The following ARHGEF3 variants were observed in gnomAD, a reference collection of about 807,000 sequenced individuals.
ARHGEF3 encodes the protein 59.8 kDA protein.
In ARHGEF3, 28 loss-of-function variants were observed where a neutral mutation model predicts 63.2. That is an observed-to-expected ratio of 0.44 (90% CI 0.33 to 0.61). The LOEUF (loss-of-function observed/expected upper bound fraction) is 0.61. ARHGEF3 is among the 20% of genes least tolerant of loss of function. ARHGEF3 has a pLI of 0.03. For synonymous variants in ARHGEF3, 266 were observed against 254.2 expected (o/e 1.05, Z -0.44); for missense variants, 533 against 659.3 (o/e 0.81, Z 2.10).
chr3:56,919,702 G>T, intron 3 of ARHGEF3, among the ~76,000 whole-genome samples: 1 of 152,176 alleles, frequency 6.6e-6, no homozygotes, highest in East Asian at 1.9e-4. Context: ...CAGCGACTAA[G>T]GATTTTTTAT....
At position 57,041,097 on chromosome 3, in the gene ARHGEF3, CCAAA is replaced by C. The variant is rs571639127; in HGVS notation, c.-27-5925_-27-5922del. Among the ~76,000 whole-genome samples the C allele has an allele frequency of 1.7e-3, 253 of 152,290 alleles. 1 individual carries two copies. The highest frequency in any genetic ancestry group is 5.8e-3 in the African/African-American group (241 of 41,552). On this transcript the variant is annotated intron_variant, in intron 1 of 12. Coordinates refer to the ARHGEF3 transcript ENST00000338458. Reference sequence around the variant, plus strand: ...GGACCAAACACCTACTCTTATCTCCCCAAACAAACTGCAAGTGTCTCAAAAGCAG... The same window carrying C: ...GGACCAAACACCTACTCTTATCTCCCCAAACTGCAAGTGTCTCAAAAGCAG...
At chr3:56,833,267 CCCT>C (rs1405939999) in intron 4 of ARHGEF3, among the ~76,000 whole-genome samples, 1 of 152,110 alleles carries the variant, frequency 6.6e-6, no homozygotes, top group African/African-American at 2.4e-5. Context: ...TTTTTTATTT[CCCT>C]CCTCTTTTTA....
intron 3 of ARHGEF3, among the ~76,000 whole-genome samples, chr3:56,906,644 T>C (rs2041692213): frequency 6.6e-6 from 1 of 152,158 alleles, no homozygotes; most frequent in South Asian, 2.1e-4. Flanking sequence ...GAGACCAGCC[T>C]GGCAAACATG....
At chr3:56,995,009 G>C (rs1701915218) in intron 2 of ARHGEF3, among the ~76,000 whole-genome samples, 1 of 151,990 alleles carries the variant, frequency 6.6e-6, no homozygotes, top group Non-Finnish European at 1.5e-5. Flanking sequence ...CCTCCTCTTT[G>C]CCTTCTGCCA....
At chr3:56,751,178 G>C in intron 5 of ARHGEF3, 46 bp from the exon 6 acceptor site, 1 of 1,594,710 alleles carries the variant, frequency 6.3e-7, no homozygotes, top group Non-Finnish European at 8.6e-7. Flanking sequence ...ATTCAAATAT[G>C]AACAGGGCTG....
chr3:56,859,121 G>C (rs908920871), intron 4 of ARHGEF3, among the ~76,000 whole-genome samples: 1 of 152,138 alleles, frequency 6.6e-6, no homozygotes, highest in Non-Finnish European at 1.5e-5. Flanking sequence ...CCAGCTTATA[G>C]TGATCATAGA....
chr3:56,871,676 T>G (rs1330484544), intron 4 of ARHGEF3, among the ~76,000 whole-genome samples: 1 of 152,222 alleles, frequency 6.6e-6, no homozygotes, highest in African/African-American at 2.4e-5. Flanking sequence ...TTATATTTTT[T>G]GCAGTCATTT....
At chr3:56,820,276 T>C (rs763872802) in intron 4 of ARHGEF3, among the ~76,000 whole-genome samples, 2 of 152,232 alleles carry the variant, frequency 1.3e-5, no homozygotes, top group Non-Finnish European at 2.9e-5. Flanking sequence ...AAGGATGTGC[T>C]GTGCCCTCAA....
At chr3:56,942,129 A>G (rs946361223) in intron 3 of ARHGEF3, among the ~76,000 whole-genome samples, 7 of 152,238 alleles carry the variant, frequency 4.6e-5, no homozygotes, top group Non-Finnish European at 8.8e-5. Context: ...GCACATTCCA[A>G]AGGCTAACAA....
At chr3:56,924,612 T>G (rs948919759) in intron 3 of ARHGEF3, among the ~76,000 whole-genome samples, 2 of 152,262 alleles carry the variant, frequency 1.3e-5, no homozygotes, top group African/African-American at 4.8e-5. Flanking sequence ...CTCCCCTTTA[T>G]AGAACATATA....
chr3:56,787,864 A>T (rs35550387), intron 1 of ARHGEF3, among the ~76,000 whole-genome samples: 2 of 152,090 alleles, frequency 1.3e-5, no homozygotes, highest in African/African-American at 2.4e-5. Context: ...ACTGAGACTC[A>T]GAGGCGTTAA....
At chr3:56,877,615 C>G (rs1465726561) in intron 4 of ARHGEF3, among the ~76,000 whole-genome samples, 2 of 152,080 alleles carry the variant, frequency 1.3e-5, no homozygotes, top group African/African-American at 4.8e-5. Context: ...TCAAGTGATC[C>G]TCTCGCCTCG....
At chr3:56,936,666 A>G (rs544217981) in intron 3 of ARHGEF3, among the ~76,000 whole-genome samples, 1 of 152,380 alleles carries the variant, frequency 6.6e-6, no homozygotes, top group South Asian at 2.1e-4. Context: ...AGAACAAGTT[A>G]AATGACATCA....
At chr3:56,915,205 G>A (rs891055907) in intron 3 of ARHGEF3, among the ~76,000 whole-genome samples, 1 of 152,184 alleles carries the variant, frequency 6.6e-6, no homozygotes, top group Admixed American at 6.5e-5. Flanking sequence ...TCTAACCCCA[G>A]CACTTTGGGA....
At chr3:56,956,060 G>C (rs1700029183) in intron 3 of ARHGEF3, among the ~76,000 whole-genome samples, 1 of 152,182 alleles carries the variant, frequency 6.6e-6, no homozygotes, top group Admixed American at 6.5e-5. Flanking sequence ...AGGAGATCAA[G>C]ATAAACATCA....
intron 2 of ARHGEF3, among the ~76,000 whole-genome samples, chr3:56,985,319 C>T (rs1341185437): frequency 6.6e-6 from 1 of 152,230 alleles, no homozygotes; most frequent in Admixed American, 6.5e-5. Flanking sequence ...GAACTCCTGG[C>T]CTCAGGCGAT....
intron 3 of ARHGEF3, among the ~76,000 whole-genome samples, chr3:56,923,962 C>T (rs1205073601): frequency 6.6e-6 from 1 of 152,210 alleles, no homozygotes; most frequent in African/African-American, 2.4e-5. Flanking sequence ...AGGGCTCTGC[C>T]CTGGAGGCTG....
rs1348995703 is a variant in ARHGEF3 at position 57,002,487 on chromosome 3, A to G, written c.62+32601T>C. On this transcript the variant is annotated intron_variant, in intron 2 of 12. Coordinates refer to the ARHGEF3 transcript ENST00000338458. ...CTATATATATATATATGTTATATATATATATATATGTTATATATATATATA... is the reference window on the plus strand; with the variant it reads ...CTATATATATATATATGTTATATATGTATATATATGTTATATATATATATA... 1.6e-4 allele frequency among the ~76,000 whole-genome samples: 8 copies of G among 49,986 alleles called. 1 individual carries two copies. The highest frequency in any genetic ancestry group is 3.0e-4 in the Non-Finnish European group (8 of 26,640). The allele number at this position is 49,986 out of a possible 152,430, so 32.8% of individuals were successfully genotyped here.
At chr3:56,833,852 C>A (rs937586212) in intron 4 of ARHGEF3, among the ~76,000 whole-genome samples, 9 of 152,190 alleles carry the variant, frequency 5.9e-5, no homozygotes, top group African/African-American at 2.2e-4. Context: ...ATCACACTCA[C>A]ACATTCACCA....
Sources: allele counts gnomAD v4.1 joint callset (sites outside exome capture counted in the v4.1 genomes callset), GRCh38; gene constraint gnomAD v4.1.1; transcripts MANE v1.5; gene names NCBI Gene and HGNC (gene_info 2026-07-23, HGNC 2026-07-21).